The following DAB1 variants were observed in gnomAD, a reference collection of about 807,000 sequenced individuals.
The protein encoded by DAB1 is disabled homolog 1.
Under a neutral mutation model 64.6 loss-of-function variants are expected in DAB1, and 15 were observed. That is an observed-to-expected ratio of 0.23 (90% CI 0.16 to 0.36). The LOEUF is 0.36. Ranked by LOEUF, DAB1 falls within the 10% of genes least tolerant of loss-of-function variation. The probability of loss-of-function intolerance (pLI) is 1.00; values close to 1 mark genes in which losing one functional copy is unlikely to be tolerated. For missense variants in DAB1, 596 were observed against 706.7 expected (o/e 0.84, Z 1.78); for synonymous variants, 235 against 251.9 (o/e 0.93, Z 0.64).
chr1:58,513,891 T>TAAGTGACAGAGCCATAATTTGAACAC (rs1646120188), intron 2 of DAB1, among the ~76,000 whole-genome samples: 1 of 152,208 alleles, frequency 6.6e-6, no homozygotes, highest in Non-Finnish European at 1.5e-5. Flanking sequence ...AAACAGCTAG[T>TAAGTGACAGAGCCATAATTTGAACAC]AAGTGACAGA....
intron 7 of DAB1, among the ~76,000 whole-genome samples, chr1:57,539,105 GT>G (rs2101442625): frequency 1.3e-5 from 2 of 152,308 alleles, no homozygotes; most frequent in South Asian, 4.1e-4. Context: ...GGATGCTTCA[GT>G]TTTCTTAGGA....
intron 5 of DAB1, among the ~76,000 whole-genome samples, chr1:57,984,253 AAAGAAAG>A (rs1553150397): frequency 1.1e-4 from 16 of 143,538 alleles, no homozygotes; most frequent in Admixed American, 2.7e-4. Flanking sequence ...AGAAAGAAAG[AAAGAAAG>A]AAAAAAAATT....
intron 7 of DAB1, among the ~76,000 whole-genome samples, chr1:57,604,901 T>A (rs949341160): frequency 6.6e-6 from 1 of 152,224 alleles, no homozygotes; most frequent in African/African-American, 2.4e-5. Context: ...TACCCAGACC[T>A]GAGACCTTAC....
chr1:58,053,119 A>AC (rs756030976), intron 5 of DAB1, among the ~76,000 whole-genome samples: 3 of 151,984 alleles, frequency 2.0e-5, no homozygotes, highest in Non-Finnish European at 4.4e-5. Context: ...TGAGGGATCC[A>AC]CCCCCATGGC....
chr1:58,035,152 G>C (rs1647025898), intron 5 of DAB1, among the ~76,000 whole-genome samples: 1 of 152,184 alleles, frequency 6.6e-6, no homozygotes, highest in African/African-American at 2.4e-5. Flanking sequence ...GAGCGACAGA[G>C]AGGCAGAAAG....
At chr1:57,423,811 G>A (rs1368145295) in intron 1 of DAB1, 119 bp downstream of exon 1, 1 of 152,212 alleles carries the variant, frequency 6.6e-6, no homozygotes, top group African/African-American at 2.4e-5. Flanking sequence ...CGCGTCCCAG[G>A]AGCCCTCCTC....
intron 1 of DAB1, among the ~76,000 whole-genome samples, chr1:57,828,682 T>C (rs1652461397): frequency 6.6e-6 from 1 of 152,182 alleles, no homozygotes; most frequent in African/African-American, 2.4e-5. Flanking sequence ...GAAAAATGTA[T>C]CCTACTTTTG....
At chr1:57,691,897 T>A (rs1646769117) in intron 6 of DAB1, among the ~76,000 whole-genome samples, 1 of 152,098 alleles carries the variant, frequency 6.6e-6, no homozygotes, top group Non-Finnish European at 1.5e-5. Context: ...TGTTGGGCAG[T>A]TAAAAGCAAA....
intron 1 of DAB1, among the ~76,000 whole-genome samples, chr1:57,375,334 G>A (rs542286987): frequency 3.9e-5 from 6 of 152,100 alleles, no homozygotes; most frequent in Non-Finnish European, 7.4e-5. Flanking sequence ...CTTAAGCAGG[G>A]GCAGAAGCTG....
intron 6 of DAB1, among the ~76,000 whole-genome samples, chr1:57,796,274 T>C (rs1372601495): frequency 6.6e-6 from 1 of 152,100 alleles, no homozygotes; most frequent in Admixed American, 6.6e-5. Flanking sequence ...ACGCCTGTAA[T>C]ACAAGCACTT....
rs181273915 is a variant in DAB1 at position 58,277,340 on chromosome 1, G to A, written n.309+66012C>T. ...CAGGCGTGACCCACCGCGCCCAGCC[G>A]ATGCAAAGACTTTTAAAGCCTGTTC... On this transcript the variant is annotated intron_variant and non_coding_transcript_variant, in intron 4 of 20. Transcript: ENST00000485760. 3.7e-4 allele frequency among the ~76,000 whole-genome samples: 56 copies of A among 152,188 alleles called. 1 individual carries two copies. Among genetic ancestry groups the A allele is most frequent in the Admixed American group, 2.4e-3 (36 of 15,282 alleles).
intron 1 of DAB1, among the ~76,000 whole-genome samples, chr1:57,395,485 G>A (rs1431534300): frequency 6.6e-6 from 1 of 152,130 alleles, no homozygotes; most frequent in Non-Finnish European, 1.5e-5. Flanking sequence ...AACACCCCTT[G>A]AGCCACTACC....
intron 2 of DAB1, among the ~76,000 whole-genome samples, chr1:57,227,332 G>A (rs1317956114): frequency 6.6e-6 from 1 of 152,200 alleles, no homozygotes; most frequent in African/African-American, 2.4e-5. Flanking sequence ...TCTAGGACTG[G>A]GGATCCAGCA....
At chr1:57,572,004 G>C (rs1645198723) in intron 7 of DAB1, among the ~76,000 whole-genome samples, 2 of 152,184 alleles carry the variant, frequency 1.3e-5, no homozygotes, top group Non-Finnish European at 1.5e-5. Context: ...TGTTGTGAAT[G>C]TTCAAGCATG....
chr1:57,130,615 C>T lies in DAB1; in HGVS notation c.306+5928G>A, dbSNP rs1037629055. ...AATCCTGTCATTTGGAGAACATGGA[C>T]GAGCCTGGGGGATATTATGTTAAGT... On this transcript the variant is annotated intron_variant, in intron 4 of 14. Transcript: ENST00000371236. Among the ~76,000 whole-genome samples the T allele has an allele frequency of 5.3e-5, 8 of 151,894 alleles. No individual in the cohort carries two copies. In the East Asian group the frequency reaches 9.7e-4, roughly 18 times the overall value.
chr1:57,056,478 C>T (rs1191151779), intron 9 of DAB1, among the ~76,000 whole-genome samples: 7 of 141,580 alleles, frequency 4.9e-5, no homozygotes, highest in Non-Finnish European at 7.6e-5. Context: ...GCACTTCAGC[C>T]TTGGTGACAG....
chr1:58,461,149 A>G (rs1645239491), intron 3 of DAB1, among the ~76,000 whole-genome samples: 1 of 152,220 alleles, frequency 6.6e-6, no homozygotes, highest in African/African-American at 2.4e-5. Context: ...ATTATTTTAA[A>G]TTACTATTTA....
intron 4 of DAB1, among the ~76,000 whole-genome samples, chr1:58,250,648 T>C (rs1660770442): frequency 6.6e-6 from 1 of 152,218 alleles, no homozygotes; most frequent in Non-Finnish European, 1.5e-5. Flanking sequence ...CTGGCCTGAA[T>C]GTGAGCTCTG....
Position 57,913,093 on chromosome 1 carries a change from C to G in DAB1, n.388-28931G>C, listed in dbSNP as rs369243744. 2.0e-5 allele frequency among the ~76,000 whole-genome samples: 3 copies of G among 152,324 alleles called. No individual in the cohort carries two copies. The South Asian group carries it at 6.2e-4, about 32-fold the overall frequency. On this transcript the variant is annotated intron_variant and non_coding_transcript_variant, in intron 5 of 20. Coordinates refer to the DAB1 transcript ENST00000485760. ...TTCTTCACAGAATTGGAAAAAACTA[C>G]TTTAAAGTTCATATGGAACCAAAAA...
Sources: allele counts gnomAD v4.1 joint callset (sites outside exome capture counted in the v4.1 genomes callset), GRCh38; gene constraint gnomAD v4.1.1; transcripts MANE v1.5; gene names NCBI Gene and HGNC (gene_info 2026-07-23, HGNC 2026-07-21).